Variants in RREB1 observed in about 807,000 individuals in gnomAD.
RREB1 encodes ras responsive element binding protein 1.
In RREB1, 27 loss-of-function variants were observed where a neutral mutation model predicts 117.8. The ratio of observed to expected loss-of-function variants is 0.23; its 90% CI spans 0.17 to 0.32. The LOEUF is 0.32. Ranked by LOEUF, RREB1 falls within the 10% of genes least tolerant of loss-of-function variation. The pLI, the probability that RREB1 is intolerant of heterozygous loss-of-function variation, is 1.00. For synonymous variants in RREB1, 1,298 were observed against 1,026.7 expected (o/e 1.26, Z -5.05); for missense variants, 2,577 against 2,378.2 (o/e 1.08, Z -1.74).
intron 8 of RREB1, chr6:7,216,453 G>A (rs1481263754): frequency 6.6e-6 from 1 of 152,182 alleles, no homozygotes; most frequent in African/African-American, 2.4e-5. Context: ...TGGTACATAG[G>A]GAGCCCAAGG....
intron 1 of RREB1, among the ~76,000 whole-genome samples, chr6:7,132,121 C>T (rs1762180606): frequency 6.6e-6 from 1 of 152,170 alleles, no homozygotes; most frequent in African/African-American, 2.4e-5. Context: ...ATGGTGCAAT[C>T]TCGGCTCACT....
chr6:7,141,320 C>G (rs947000491), intron 1 of RREB1, among the ~76,000 whole-genome samples: 1 of 152,180 alleles, frequency 6.6e-6, no homozygotes, highest in African/African-American at 2.4e-5. Flanking sequence ...GCCGCACTTT[C>G]CTCAGTTGCG....
chr6:7,172,609 AGCTCACGGTGCCCCATGGTGTAGGGGCCT>A, intron 1 of RREB1, among the ~76,000 whole-genome samples: 1 of 152,062 alleles, frequency 6.6e-6, no homozygotes, highest in South Asian at 2.1e-4. Flanking sequence ...TGGACGAAGC[AGCTCACGGTGCCCCATGGTGTAGGGGCCT>A]GCTCTAAGGC....
At chr6:7,237,422 C>A (rs1365530526) in intron 10 of RREB1, among the ~76,000 whole-genome samples, 1 of 151,314 alleles carries the variant, frequency 6.6e-6, no homozygotes, top group Non-Finnish European at 1.5e-5. Context: ...GAGACAAGGT[C>A]TCACTGTGTT....
intron 10 of RREB1, among the ~76,000 whole-genome samples, chr6:7,236,948 G>A (rs1480923414): frequency 7.6e-6 from 1 of 132,332 alleles, no homozygotes; most frequent in African/African-American, 2.9e-5. Flanking sequence ...AAGCTAGAGT[G>A]CCTGTGTGCA....
intron 6 of RREB1, among the ~76,000 whole-genome samples, chr6:7,200,219 T>A: frequency 6.7e-6 from 1 of 148,600 alleles, no homozygotes; most frequent in East Asian, 2.0e-4. Flanking sequence ...TATGTGTGTG[T>A]ATATATATAT....
At chr6:7,176,881 C>T (rs1024348355) in intron 2 of RREB1, 108 bp downstream of exon 2, 21 of 152,526 alleles carry the variant, frequency 1.4e-4, no homozygotes, top group African/African-American at 4.8e-4. Flanking sequence ...ATTGTCATGC[C>T]ATTTCCAGGT....
intron 1 of RREB1, among the ~76,000 whole-genome samples, chr6:7,147,236 G>A (rs1231882546): frequency 7.2e-5 from 11 of 152,192 alleles, no homozygotes; most frequent in Non-Finnish European, 1.3e-4. Context: ...GGCCGAGCTG[G>A]GTCTGTGAAG....
intron 1 of RREB1, among the ~76,000 whole-genome samples, chr6:7,123,501 G>C (rs1761770356): frequency 6.6e-6 from 1 of 150,640 alleles, no homozygotes; most frequent in Non-Finnish European, 1.5e-5. Context: ...CTGAGGACCT[G>C]AGGAGATTAC....
chr6:7,156,441 CTG>C (rs1763365064), intron 1 of RREB1, among the ~76,000 whole-genome samples: 1 of 152,234 alleles, frequency 6.6e-6, no homozygotes, highest in Non-Finnish European at 1.5e-5. Flanking sequence ...CCAGGGAACA[CTG>C]TGCCCTTGAT....
intron 3 of RREB1, 191 bp downstream of exon 3, chr6:7,181,437 G>A (rs1764788152): frequency 2.4e-6 from 1 of 417,480 alleles, no homozygotes; most frequent in Admixed American, 4.3e-5. Context: ...CAGCAGTGGA[G>A]TTAAATGAAA....
Position 7,228,981 on chromosome 6 carries a change from G to C in RREB1, c.898-16G>C. On this transcript the variant is annotated splice_polypyrimidine_tract_variant and intron_variant, in intron 9 of 12. Transcript: ENST00000379938. ...TCACATGTGTTCCCTTGCTTTTACC[G>C]GTGGGTTCTATATAGGCCTGGTGCG... 1.4e-6 allele frequency: 2 copies of C among 1,474,056 alleles called. No homozygotes were observed. Among genetic ancestry groups the C allele is most frequent in the Middle Eastern group, 1.9e-4 (1 of 5,400 alleles). 91.3% of individuals were successfully genotyped at this position (1,474,056 alleles called of 1,614,324 possible). A position where few individuals can be genotyped will look rare whatever the true frequency, so the allele number is the denominator to read the frequency against.
intron 8 of RREB1, among the ~76,000 whole-genome samples, chr6:7,221,984 C>G (rs529273061): frequency 6.6e-6 from 1 of 152,152 alleles, no homozygotes; most frequent in Non-Finnish European, 1.5e-5. Flanking sequence ...TTTCAAAGCA[C>G]TTTGTTATTC....
intron 1 of RREB1, among the ~76,000 whole-genome samples, chr6:7,124,761 A>G (rs960932787): frequency 4.6e-5 from 7 of 152,200 alleles, no homozygotes; most frequent in Admixed American, 2.0e-4. Context: ...CCTTTCATGC[A>G]TCATCTCATT....
rs1484988558 is a variant in RREB1 at position 7,229,441 on chromosome 6, A to G, written c.1342A>G (p.Ile448Val). Residue 448 changes from isoleucine to valine, a missense_variant, in exon 10 of 13, where the codon ATC becomes GTC. Ile to Val is a conservative substitution (Grantham distance 29). Transcript: ENST00000379938. This position sits in a 1 kb window ranked among gnomAD's most constrained non-coding sequence, Gnocchi z 4.5. ...SLQPFQKGFI[I>V]QPDSSIVVKP... ...GCAGCCCTTCCAGAAGGGCTTCATC[A>G]TCCAGCCTGACAGCAGCATTGTGGT... 1.9e-6 allele frequency: 3 copies of G among 1,614,034 alleles called. No individual in the cohort carries two copies. The highest frequency in any genetic ancestry group is 1.3e-5 in the African/African-American group (1 of 74,932).
chr6:7,201,901 T>C (rs974782783), intron 6 of RREB1, among the ~76,000 whole-genome samples: 1 of 152,160 alleles, frequency 6.6e-6, no homozygotes, highest in African/African-American at 2.4e-5. Context: ...TGGTGTACTG[T>C]TCCTCCCTCG....
Position 7,173,828 on chromosome 6 carries a change from G to A in RREB1, c.-284-2827G>A, listed in dbSNP as rs113601320. Among the ~76,000 whole-genome samples the A allele has an allele frequency of 6.8e-3, 1,030 of 152,112 alleles. 10 individuals carry two copies. Among genetic ancestry groups the A allele is most frequent in the African/African-American group, 0.023 (953 of 41,532 alleles). On this transcript the variant is annotated intron_variant, in intron 1 of 12. Transcript: ENST00000379938. ...AAGAAAAAAAAGGAAAGAAACCCTC[G>A]GGTTTTTCAGAAGCTGGGATGCAGC...
At chr6:7,196,599 T>G (rs534596971) in intron 6 of RREB1, among the ~76,000 whole-genome samples, 2 of 152,288 alleles carry the variant, frequency 1.3e-5, no homozygotes, top group South Asian at 4.1e-4. Context: ...AGTAAATAAA[T>G]TTACTTGATC....
intron 1 of RREB1, among the ~76,000 whole-genome samples, chr6:7,174,093 C>A (rs563830663): frequency 4.3e-4 from 65 of 151,792 alleles, no homozygotes; most frequent in African/African-American, 1.5e-3. Flanking sequence ...CAACCAGACC[C>A]AGGCTTTCTG....
Sources: allele counts gnomAD v4.1 joint callset (sites outside exome capture counted in the v4.1 genomes callset), GRCh38; gene constraint gnomAD v4.1.1; non-coding constraint Gnocchi (gnomAD v3.1); transcripts MANE v1.5; gene names NCBI Gene and HGNC (gene_info 2026-07-23, HGNC 2026-07-21).